Variants in AHDC1 observed in about 807,000 individuals in gnomAD.
The protein encoded by AHDC1 is transcription factor Gibbin.
A neutral mutation model predicts 87.9 loss-of-function variants in AHDC1; 7 were observed. The ratio of observed to expected loss-of-function variants is 0.08; its 90% CI spans 0.05 to 0.15. The LOEUF (loss-of-function observed/expected upper bound fraction) is 0.15. Ranked by LOEUF, AHDC1 falls within the 10% of genes least tolerant of loss-of-function variation. The pLI is 1.00. For missense variants in AHDC1, 1,841 were observed against 2,253.2 expected (o/e 0.82, Z 3.70); for synonymous variants, 1,051 against 1,006.8 (o/e 1.04, Z -0.83).
chr1:27,590,541 G>A lies in AHDC1; in HGVS notation c.-629+12856C>T, dbSNP rs1243992758. ...CCTGGGTTCTGCACCTCACCTCCAA[G>A]TCCGAGGGCTCTCAAGGTGAGTGTT... is the stretch of plus-strand genomic sequence containing the variant. On this transcript the variant is annotated intron_variant, in intron 3 of 8. Coordinates refer to ENST00000673934, the MANE Select transcript of AHDC1 (RefSeq NM_001371928.1). The surrounding 1 kb of genome is among the most constrained non-coding windows in gnomAD (Gnocchi z 5.4). 6.8e-6 allele frequency among the ~76,000 whole-genome samples: 1 copy of A among 146,712 alleles called. No individual in the cohort carries two copies. Among genetic ancestry groups the A allele is most frequent in the Non-Finnish European group, 1.5e-5 (1 of 67,092 alleles).
chr1:27,537,157 G>C (rs2148189203), intron 8 of AHDC1, among the ~76,000 whole-genome samples: 1 of 152,320 alleles, frequency 6.6e-6, no homozygotes. Context: ...CTCTCATGGA[G>C]GTGGGGGAGA....
At chr1:27,602,561 G>A (rs2089559065) in intron 3 of AHDC1, among the ~76,000 whole-genome samples, 2 of 152,136 alleles carry the variant, frequency 1.3e-5, no homozygotes, top group South Asian at 4.1e-4. Flanking sequence ...GACCCAGCAG[G>A]GGAAGGCGCC....
chr1:27,574,558 G>A (rs1313140778), intron 3 of AHDC1, among the ~76,000 whole-genome samples: 3 of 152,190 alleles, frequency 2.0e-5, no homozygotes, highest in Admixed American at 6.5e-5. Flanking sequence ...CTGTGGCATA[G>A]GTGAAGCGTG....
chr1:27,603,228 G>T (rs1215425633), intron 3 of AHDC1, among the ~76,000 whole-genome samples, 169 bp downstream of exon 3: 5 of 139,226 alleles, frequency 3.6e-5, no homozygotes, highest in African/African-American at 1.3e-4. Context: ...GAGCCCAGCC[G>T]AGCCGCGGGC....
chr1:27,541,784 C>T (rs2018934601), intron 8 of AHDC1, among the ~76,000 whole-genome samples: 1 of 152,130 alleles, frequency 6.6e-6, no homozygotes. Flanking sequence ...CACCTGCCAT[C>T]ATGCCCGGCT....
At chr1:27,570,955 G>A (rs1043552826) in intron 3 of AHDC1, among the ~76,000 whole-genome samples, 1 of 152,026 alleles carries the variant, frequency 6.6e-6, no homozygotes, top group Non-Finnish European at 1.5e-5. Context: ...GACCACATGA[G>A]TGGCTATAAG....
chr1:27,550,368 T>C lies in AHDC1; in HGVS notation c.1748A>G (p.Glu583Gly). The C allele has an allele frequency of 6.2e-7, 1 of 1,600,734 alleles. No individual in the cohort carries two copies. Among genetic ancestry groups the C allele is most frequent in the Non-Finnish European group, 8.5e-7 (1 of 1,172,318 alleles). ...TVAAATMAMP[E>G]VKKRRRRKQK... Reference sequence around the variant, plus strand: ...CTTCCGCCGCCGTCGTTTTTTTACCTCTGGCATGGCCATGGTGGCCGCTGC... The same window carrying C: ...CTTCCGCCGCCGTCGTTTTTTTACCCCTGGCATGGCCATGGTGGCCGCTGC... The change falls in exon 8 of 9, where the codon GAG becomes GGG. Residue 583 changes from glutamate (E) to glycine (G), a missense_variant. By Grantham distance (98) the Glu-to-Gly change is moderately conservative. This residue lies in a region of AHDC1 where 84 missense variants were observed against 111.7 expected (regional missense o/e 0.75). Transcript: ENST00000673934.
At chr1:27,592,283 C>G (rs535061448) in intron 3 of AHDC1, among the ~76,000 whole-genome samples, 1 of 152,140 alleles carries the variant, frequency 6.6e-6, no homozygotes, top group African/African-American at 2.4e-5. Flanking sequence ...CCACAGAGCC[C>G]GTCACCACCC....
chr1:27,589,564 G>A (rs1191518639), intron 3 of AHDC1, among the ~76,000 whole-genome samples: 1 of 152,168 alleles, frequency 6.6e-6, no homozygotes, highest in Non-Finnish European at 1.5e-5. Flanking sequence ...TTGTGCTTTT[G>A]AGACTGTGGG....
rs1296991947 is a variant in AHDC1, at chr1:27,551,405, T to C, written c.711A>G (p.Ser237=). 1 of 1,613,678 alleles carries C rather than the reference T, an allele frequency of 6.2e-7. No individual in the cohort carries two copies. The highest frequency in any genetic ancestry group is 8.5e-7 in the Non-Finnish European group (1 of 1,179,948). ...PEPEPDSTDY[S]ELADADILSE... ...TAAGGATGTCGGCGTCAGCAAGTTC[T>C]GAGTAATCAGTGCTGTCTGGCTCAG... Residue 237 remains serine (S), a synonymous_variant, in exon 8 of 9, where the codon TCA becomes TCG. Transcript: ENST00000673934.
chr1:27,602,798 CA>C (rs1229908377), intron 3 of AHDC1, among the ~76,000 whole-genome samples: 5 of 152,174 alleles, frequency 3.3e-5, no homozygotes, highest in African/African-American at 9.7e-5. Context: ...TAGCCGCCCC[CA>C]AATCCCTCCT....
rs755956875 is a variant in AHDC1, at chr1:27,551,642, C to A, written c.474G>T (p.Pro158=). ...GGLRLSRPPA[P]PPGDLQYSFF... is the part of the protein sequence containing the mutation. ...AGCTGTACTGTAGGTCGCCGGGTGG[C>A]GGTGCAGGCGGGCGGCTCAGTCGGA... Residue 158 remains proline, a synonymous_variant, in exon 8 of 9, where the codon CCG becomes CCT. Transcript: ENST00000673934. The A allele has an allele frequency of 6.2e-7, 1 of 1,613,312 alleles. No homozygotes were observed.
chr1:27,548,519 G>A lies in AHDC1; in HGVS notation c.3597C>T (p.Ser1199=), dbSNP rs1450156475. Residue 1199 remains serine (S), a synonymous_variant, in exon 8 of 9, where the codon TCC becomes TCT. Coordinates refer to ENST00000673934, the MANE Select transcript of AHDC1 (RefSeq NM_001371928.1). ...AGTCCATCATCAGTTTCTCCAGGCTGGACAGGCTCGACTGGCCCTCACTAC... is the reference window on the plus strand; with the variant it reads ...AGTCCATCATCAGTTTCTCCAGGCTAGACAGGCTCGACTGGCCCTCACTAC... The part of the protein sequence containing the change: ...ASSSEGQSSL[S]SLEKLMMDWN... 2 of 1,613,672 alleles carry A rather than the reference G, an allele frequency of 1.2e-6. No homozygotes were observed. Among genetic ancestry groups the A allele is most frequent in the Admixed American group, 1.7e-5 (1 of 60,004 alleles).
Position 27,563,452 on chromosome 1 carries a change from G to A in AHDC1, c.-628-4569C>T, listed in dbSNP as rs1016036734. Reference sequence around the variant, plus strand: ...CAGCATGAGGCAGGGACATAACCTCGCCCCTGCCTGGGAATCCTCCCTGCA... The same window carrying A: ...CAGCATGAGGCAGGGACATAACCTCACCCCTGCCTGGGAATCCTCCCTGCA... On this transcript the variant is annotated intron_variant, in intron 3 of 8. Coordinates refer to ENST00000673934, the MANE Select transcript of AHDC1 (RefSeq NM_001371928.1). The surrounding 1 kb of genome is among the most constrained non-coding windows in gnomAD (Gnocchi z 6.1). 6.6e-6 allele frequency among the ~76,000 whole-genome samples: 1 copy of A among 152,118 alleles called. No individual in the cohort carries two copies. The highest frequency in any genetic ancestry group is 1.5e-5 in the Non-Finnish European group (1 of 68,026).
intron 8 of AHDC1, among the ~76,000 whole-genome samples, chr1:27,543,343 G>A (rs2019015595): frequency 6.6e-6 from 1 of 152,218 alleles, no homozygotes; most frequent in African/African-American, 2.4e-5. Flanking sequence ...TTTCCATCTA[G>A]AGGCCCAGAG....
chr1:27,600,914 T>C (rs111703480), intron 3 of AHDC1, among the ~76,000 whole-genome samples: 8,029 of 152,238 alleles, frequency 0.053, 725 homozygotes, highest in African/African-American at 0.18. Flanking sequence ...CATCAAGGGC[T>C]GGGGAGCAAT....
Position 27,558,529 on chromosome 1 carries a change from T to G in AHDC1, c.-449A>C. The G allele has an allele frequency of 5.3e-6, 2 of 377,930 alleles. No homozygotes were observed. The highest frequency in any genetic ancestry group is 1.5e-4 in the South Asian group (1 of 6,810). 23.4% of individuals were successfully genotyped at this position (377,930 alleles called of 1,614,324 possible). A position where few individuals can be genotyped will look rare whatever the true frequency, so the allele number is the denominator to read the frequency against. The stretch of plus-strand genomic sequence containing the variant: ...TATATCCATGAGCCTCAGTTCCCCT[T>G]TCTGGATAATGGGGAGTTTGAGTAA... On this transcript the variant is annotated splice_region_variant and 5_prime_UTR_variant, in exon 5 of 9. Coordinates refer to ENST00000673934, the MANE Select transcript of AHDC1 (RefSeq NM_001371928.1). The surrounding 1 kb of genome is among the most constrained non-coding windows in gnomAD (Gnocchi z 5.6).
chr1:27,576,103 G>A (rs1346263471), intron 3 of AHDC1, among the ~76,000 whole-genome samples: 1 of 152,216 alleles, frequency 6.6e-6, no homozygotes, highest in Non-Finnish European at 1.5e-5. Context: ...CTCCTGCAGA[G>A]AGCACTGGCG....
rs1364809586 is a variant in AHDC1, at chr1:27,558,064, T to C, written c.-225+241A>G. ...CAGGAATGCTCCTTTGGAAGTAGGG[T>C]GGGGTCCCCAGGCAGGCTCAGCTCT... On this transcript the variant is annotated intron_variant, in intron 5 of 8. Transcript: ENST00000673934. The surrounding 1 kb of genome is among the most constrained non-coding windows in gnomAD (Gnocchi z 5.6). 6.6e-6 allele frequency among the ~76,000 whole-genome samples: 1 copy of C among 152,122 alleles called. No homozygotes were observed. Among genetic ancestry groups the C allele is most frequent in the Non-Finnish European group, 1.5e-5 (1 of 67,984 alleles).
Sources: allele counts gnomAD v4.1 joint callset (sites outside exome capture counted in the v4.1 genomes callset), GRCh38; gene constraint gnomAD v4.1.1; regional missense constraint gnomAD v4.1.1; non-coding constraint Gnocchi (gnomAD v3.1); transcripts MANE v1.5; gene names NCBI Gene and HGNC (gene_info 2026-07-23, HGNC 2026-07-21).